COPS7B: variants seen among roughly 807,000 people sequenced by gnomAD.
COPS7B encodes COP9 signalosome complex subunit 7b.
COPS7B carries 9 observed loss-of-function variants against 33.4 expected under a neutral mutation model. The observed-to-expected ratio is 0.27, with a 90% confidence interval of 0.16 to 0.47. The LOEUF (loss-of-function observed/expected upper bound fraction) is 0.47. Ranked by LOEUF, COPS7B falls within the 20% of genes least tolerant of loss-of-function variation. COPS7B has a pLI of 0.99. For missense variants in COPS7B, 242 were observed against 318.2 expected, an observed-to-expected ratio of 0.76 and a Z score of 1.82; for synonymous variants, 119 against 126.3, an observed-to-expected ratio of 0.94 and a Z score of 0.39.
intron 4 of COPS7B, 148 bp downstream of exon 4, chr2:231,794,499 A>C (rs1334585813): frequency 1.6e-6 from 1 of 632,120 alleles, no homozygotes; most frequent in Non-Finnish European, 2.8e-6. Context: ...AAAATGGTGT[A>C]GAAAAGTACT....
chr2:231,781,905 A>G, upstream of COPS7B: 9 of 1,548,020 alleles, frequency 5.8e-6, no homozygotes, highest in Non-Finnish European at 7.9e-6. Context: ...AACAACAAAC[A>G]AAAACACTGA....
chr2:231,798,960 C>G lies in COPS7B; in HGVS notation c.632C>G (p.Ala211Gly). ...NHNRTQQQVE[A>G]EVTNIKKTLK... ...AACCGAACTCAGCAGCAGGTAGAAG[C>G]AGAGGTAAGGAAGGAAAGGAACATT... is the stretch of plus-strand genomic sequence containing the variant. The change falls in exon 6 of 7, where the codon GCA (alanine) becomes GGA (glycine). Residue 211 changes from alanine to glycine, a missense_variant. By Grantham distance (60) the Ala-to-Gly change is moderately conservative. Coordinates refer to ENST00000350033, the MANE Select transcript of COPS7B (RefSeq NM_022730.4). The G allele has an allele frequency of 6.2e-7, 1 of 1,613,124 alleles. No individual in the cohort carries two copies. The highest frequency in any genetic ancestry group is 8.5e-7 in the Non-Finnish European group (1 of 1,179,150).
At chr2:231,802,862 CAGTGGTAA>C (rs778336239) in intron 6 of COPS7B, among the ~76,000 whole-genome samples, 39 of 152,332 alleles carry the variant, frequency 2.6e-4, no homozygotes, top group Non-Finnish European at 4.7e-4. Flanking sequence ...GTTGTAAATG[CAGTGGTAA>C]AGCTGACTTG....
At chr2:231,806,864 A>G (rs1249582404) in intron 6 of COPS7B, among the ~76,000 whole-genome samples, 1 of 152,262 alleles carries the variant, frequency 6.6e-6, no homozygotes, top group Non-Finnish European at 1.5e-5. Context: ...AAAAAACTGG[A>G]AAACTGGAGA....
At chr2:231,791,680 A>T in intron 2 of COPS7B, 53 bp from the exon 3 acceptor site, 2 of 1,467,582 alleles carry the variant, frequency 1.4e-6, no homozygotes, top group Non-Finnish European at 1.9e-6. Flanking sequence ...TTTGAACACT[A>T]CAGTGATTGG....
At chr2:231,792,431 G>A (rs2049444321) in intron 3 of COPS7B, among the ~76,000 whole-genome samples, 1 of 152,186 alleles carries the variant, frequency 6.6e-6, no homozygotes, top group African/African-American at 2.4e-5. Context: ...GATAGAGACT[G>A]TAGTAAGCTG....
In COPS7B at chr2:231,791,764, A is replaced by G. The variant is rs1253192435; in HGVS notation, c.194A>G (p.Gln65Arg). 6.8e-6 allele frequency: 11 copies of G among 1,614,112 alleles called. No individual in the cohort carries two copies. The highest frequency in any genetic ancestry group is 4.5e-5 in the East Asian group (2 of 44,878). ...GAAGGAGCTAATGCTGCTTATTTGC[A>G]GTTGTTGAACCTGTTTGCCTATGGG... ...LAEGANAAYL[Q>R]LLNLFAYGTY... Residue 65 changes from glutamine to arginine, a missense_variant, in exon 3 of 7, where the codon CAG becomes CGG. Gln to Arg is a conservative substitution (Grantham distance 43, BLOSUM62 1). Coordinates refer to ENST00000350033, the MANE Select transcript of COPS7B (RefSeq NM_022730.4).
Position 231,786,670 on chromosome 2 carries a change from C to T in COPS7B, c.-17+132C>T, listed in dbSNP as rs572851808. The T allele has an allele frequency of 5.8e-5, 15 of 259,682 alleles. No homozygotes were observed. The South Asian group carries it at 8.7e-4, about 15-fold the overall frequency. The allele number at this position is 259,682 out of a possible 1,614,324, so 16.1% of individuals were successfully genotyped here. ...CGCCCCCGCCTTGGGGAGCGCGTCCCGCGGCTCCTCACTCCACGCCTGCGG... is the reference window on the plus strand; with the variant it reads ...CGCCCCCGCCTTGGGGAGCGCGTCCTGCGGCTCCTCACTCCACGCCTGCGG... On this transcript the variant is annotated intron_variant, in intron 1 of 6. Coordinates refer to ENST00000350033, the MANE Select transcript of COPS7B (RefSeq NM_022730.4).
upstream of COPS7B, among the ~76,000 whole-genome samples, chr2:231,783,055 G>GT (rs1427896371): frequency 6.6e-6 from 1 of 152,166 alleles, no homozygotes; most frequent in African/African-American, 2.4e-5. Flanking sequence ...TAATAATACA[G>GT]TATGTACAGT....
upstream of COPS7B, among the ~76,000 whole-genome samples, chr2:231,785,026 GTCTCGAAC>G (rs2049205812): frequency 6.6e-6 from 1 of 152,216 alleles, no homozygotes; most frequent in African/African-American, 2.4e-5. Context: ...GCCCAGGCCG[GTCTCGAAC>G]TCCTGACCTC....
intron 6 of COPS7B, among the ~76,000 whole-genome samples, chr2:231,805,430 T>C (rs1559377767): frequency 7.9e-6 from 1 of 126,460 alleles, no homozygotes; most frequent in Non-Finnish European, 1.6e-5. Flanking sequence ...TATATATATA[T>C]ATTTTTTTTT....
intron 6 of COPS7B, among the ~76,000 whole-genome samples, chr2:231,801,972 G>A (rs370113864): frequency 6.6e-6 from 1 of 151,848 alleles, no homozygotes; most frequent in East Asian, 1.9e-4. Flanking sequence ...ACGGGGTTTC[G>A]CAATGTTGGC....
intron 5 of COPS7B, 90 bp downstream of exon 5, chr2:231,796,398 G>A: frequency 2.4e-6 from 3 of 1,226,288 alleles, no homozygotes; most frequent in Non-Finnish European, 3.5e-6. Context: ...CTGAGGGTTT[G>A]GGGTGGGCCT....
Position 231,798,857 on chromosome 2 carries a change from A to AGGTGTGAT in COPS7B, c.532_539dup. On this transcript the variant is annotated splice_acceptor_variant, in intron 5 of 6. Transcript: ENST00000350033. LOFTEE classifies it high-confidence loss of function. ...GCTCAGGGCTGGTTTTCTCCATTGT[A>AGGTGTGAT]GGTGTGATGGCTGTGAAGCAGTTCT... is the stretch of plus-strand genomic sequence containing the variant. The AGGTGTGAT allele has an allele frequency of 6.2e-7, 1 of 1,613,582 alleles. No homozygotes were observed. The highest frequency in any genetic ancestry group is 1.1e-5 in the South Asian group (1 of 91,054).
chr2:231,807,206 A>G (rs1039461369), intron 6 of COPS7B, among the ~76,000 whole-genome samples: 5 of 152,204 alleles, frequency 3.3e-5, no homozygotes, highest in African/African-American at 1.2e-4. Flanking sequence ...GGACATTTTA[A>G]TCACGATTTA....
At chr2:231,788,139 T>C (rs1489460533) in intron 1 of COPS7B, among the ~76,000 whole-genome samples, 1 of 144,250 alleles carries the variant, frequency 6.9e-6, no homozygotes, top group Non-Finnish European at 1.5e-5. Flanking sequence ...AGGAACTGTT[T>C]TTTTTTTTTT....
intron 3 of COPS7B, 132 bp downstream of exon 3, chr2:231,791,940 T>C: frequency 2.5e-6 from 2 of 794,082 alleles, no homozygotes; most frequent in Non-Finnish European, 4.4e-6. Flanking sequence ...CATTTTGCTG[T>C]GCCCGGTGGG....
intron 5 of COPS7B, among the ~76,000 whole-genome samples, chr2:231,798,320 G>A (rs1042975512): frequency 1.4e-5 from 2 of 141,884 alleles, no homozygotes; most frequent in Admixed American, 1.4e-4. Flanking sequence ...GCAATTGCGT[G>A]GTCTCAGCTC....
At chr2:231,786,151 G>A (rs916834785), upstream of COPS7B, 4 of 152,340 alleles carry the variant, frequency 2.6e-5, no homozygotes, top group African/African-American at 9.7e-5. Context: ...GGGAGCTCCT[G>A]AGAGAGAAAG....
Sources: gnomAD v4.1 joint callset for allele counts (sites outside exome capture counted in the v4.1 genomes callset) on GRCh38, gnomAD v4.1.1 for gene constraint, MANE v1.5 for transcripts, NCBI Gene and HGNC (gene_info 2026-07-23, HGNC 2026-07-21) for gene names.